The following SLC24A2 variants were observed in gnomAD, a reference collection of about 807,000 sequenced individuals.
SLC24A2 encodes the protein sodium/potassium/calcium exchanger 2.
In SLC24A2, 36 loss-of-function variants were observed where a neutral mutation model predicts 62.0. The observed-to-expected ratio is 0.58, with a 90% CI of 0.44 to 0.77. SLC24A2 has a LOEUF of 0.77. SLC24A2 is among the 30% of genes least tolerant of loss of function. The pLI is 0.00. For missense variants in SLC24A2, 846 were observed against 817.9 expected, an observed-to-expected ratio of 1.03 and a Z score of -0.42; for synonymous variants, 358 against 294.0, an observed-to-expected ratio of 1.22 and a Z score of -2.23.
chr9:20,230,909 C>T, the SLC24A2 span, among the ~76,000 whole-genome samples: 3 of 152,076 alleles, frequency 2.0e-5, no homozygotes, highest in Admixed American at 2.0e-4. Context: ...TTAATTTTTG[C>T]ATAACGTGTA....
intron 2 of SLC24A2, among the ~76,000 whole-genome samples, chr9:19,681,455 T>C (rs571538838): frequency 5.3e-5 from 8 of 152,282 alleles, no homozygotes; most frequent in African/African-American, 1.4e-4. Flanking sequence ...ATTTTGTTTA[T>C]ACTATGGCTC....
chr9:19,513,540 A>G lies in SLC24A2; in HGVS notation c.*2613T>C, dbSNP rs1832811268. 1 of 152,060 alleles carries G rather than the reference A, an allele frequency of 6.6e-6. No homozygotes were observed. The highest frequency in any genetic ancestry group is 2.4e-5 in the African/African-American group (1 of 41,396). 9.4% of individuals were successfully genotyped at this position (152,060 alleles called of 1,614,324 possible). A position where few individuals can be genotyped will look rare whatever the true frequency, so the allele number is the denominator to read the frequency against. ...ATGCAACTTCACATGAAAGACCACA[A>G]CACTTCCTGTGAAGTGGAGCTCCGA... On this transcript the variant is annotated 3_prime_UTR_variant, in exon 11 of 11. Transcript: ENST00000341998.
chr9:19,550,402 G>A, intron 7 of SLC24A2, 134 bp from the exon 8 acceptor site: 1 of 818,596 alleles, frequency 1.2e-6, no homozygotes, highest in Non-Finnish European at 2.0e-6. Flanking sequence ...AGCTTCATAT[G>A]TGTGATTTTG....
intron 8 of SLC24A2, among the ~76,000 whole-genome samples, chr9:19,531,749 A>G (rs545625993): frequency 7.8e-6 from 1 of 127,536 alleles, no homozygotes; most frequent in African/African-American, 3.0e-5. Context: ...CTGGATTAAT[A>G]TGACTGGTAT....
At chr9:19,687,352 C>A (rs896291932) in intron 2 of SLC24A2, among the ~76,000 whole-genome samples, 1 of 152,104 alleles carries the variant, frequency 6.6e-6, no homozygotes, top group Non-Finnish European at 1.5e-5. Flanking sequence ...ATGTTACTCA[C>A]CCCTTGTGTA....
the SLC24A2 span, among the ~76,000 whole-genome samples, chr9:19,941,569 G>GTT: frequency 1.8e-4 from 18 of 101,182 alleles, no homozygotes; most frequent in Middle Eastern, 8.3e-3. Context: ...GTGTGTGTGT[G>GTT]TGTGTGTGTG....
intron 10 of SLC24A2, among the ~76,000 whole-genome samples, chr9:19,517,541 C>G (rs1229642091): frequency 6.6e-6 from 1 of 152,166 alleles, no homozygotes; most frequent in African/African-American, 2.4e-5. Flanking sequence ...TTTGAAATTC[C>G]AGGCCTGGTA....
chr9:20,151,863 A>C, the SLC24A2 span, among the ~76,000 whole-genome samples: 1 of 151,606 alleles, frequency 6.6e-6, no homozygotes, highest in Non-Finnish European at 1.5e-5. Flanking sequence ...CTCACCTCCA[A>C]TAAGTTGTTT....
rs1174693585 is a variant in SLC24A2 at position 19,753,528 on chromosome 9, T to C, written c.930+32409A>G. On this transcript the variant is annotated intron_variant, in intron 2 of 10. Transcript: ENST00000341998. ...ACTAATCTTTATTTTTAAACCACCA[T>C]CTTCCTTTAGTGTTGCATTCATTTC... 2.6e-5 allele frequency among the ~76,000 whole-genome samples: 4 copies of C among 152,314 alleles called. No homozygotes were observed. The South Asian group carries it at 8.3e-4, about 32-fold the overall frequency.
the SLC24A2 span, among the ~76,000 whole-genome samples, chr9:19,859,812 G>C: frequency 6.6e-6 from 1 of 152,136 alleles, no homozygotes; most frequent in Non-Finnish European, 1.5e-5. Flanking sequence ...GCAACTGTAA[G>C]ACATTAAACT....
At chr9:19,523,399 C>T (rs894190411) in intron 9 of SLC24A2, among the ~76,000 whole-genome samples, 2 of 152,060 alleles carry the variant, frequency 1.3e-5, no homozygotes, top group South Asian at 4.2e-4. Flanking sequence ...ATGTGAGATG[C>T]AAATCATACA....
rs1379516208 is a variant in SLC24A2 at position 19,781,253 on chromosome 9, ACG to A, written c.930+4682_930+4683del. 5.9e-5 allele frequency among the ~76,000 whole-genome samples: 9 copies of A among 152,338 alleles called. No homozygotes were observed. In the East Asian group the frequency reaches 1.7e-3, roughly 29 times the overall value. On this transcript the variant is annotated intron_variant, in intron 2 of 10. Transcript: ENST00000341998. The stretch of plus-strand genomic sequence containing the variant: ...CAGTAGCAAGAGAATAGCTTAACAC[ACG>A]ATCCCATTCTTTGCTAAAGTTAAGA...
upstream of SLC24A2, among the ~76,000 whole-genome samples, chr9:19,792,662 G>A (rs954694895): frequency 6.6e-6 from 1 of 151,520 alleles, no homozygotes; most frequent in East Asian, 1.9e-4. Context: ...GAGCCGAGAC[G>A]GCGCCATTGT....
chr9:20,293,106 T>C, the SLC24A2 span, among the ~76,000 whole-genome samples: 2 of 152,246 alleles, frequency 1.3e-5, no homozygotes, highest in African/African-American at 4.8e-5. Flanking sequence ...CTGACTCTTC[T>C]TATAAGGACA....
the SLC24A2 span, chr9:19,928,504 C>T: frequency 6.6e-6 from 1 of 152,188 alleles, no homozygotes; most frequent in Admixed American, 6.5e-5. Flanking sequence ...CTGAGGTTCT[C>T]TTTGTTCTTT....
chr9:20,047,413 T>C, the SLC24A2 span, among the ~76,000 whole-genome samples: 1 of 151,846 alleles, frequency 6.6e-6, no homozygotes, highest in Middle Eastern at 3.4e-3. Flanking sequence ...AGGTTAAATG[T>C]CAGCTATTTT....
intron 2 of SLC24A2, among the ~76,000 whole-genome samples, chr9:19,737,879 T>A (rs889968878): frequency 3.9e-5 from 6 of 152,268 alleles, no homozygotes; most frequent in African/African-American, 1.4e-4. Flanking sequence ...TCCTTCTATA[T>A]GCCAATGAAA....
chr9:20,094,678 G>A, the SLC24A2 span, among the ~76,000 whole-genome samples: 1 of 152,126 alleles, frequency 6.6e-6, no homozygotes. Context: ...CAGGAAAAGT[G>A]TAAAAATTCA....
chr9:19,904,730 T>C, the SLC24A2 span, among the ~76,000 whole-genome samples: 2 of 152,238 alleles, frequency 1.3e-5, no homozygotes, highest in East Asian at 1.9e-4. Context: ...ACCTATTTTA[T>C]AGTCTCTTGG....
Sources: gnomAD v4.1 joint callset for allele counts (sites outside exome capture counted in the v4.1 genomes callset) on GRCh38, gnomAD v4.1.1 for gene constraint, MANE v1.5 for transcripts, NCBI Gene and HGNC (gene_info 2026-07-23, HGNC 2026-07-21) for gene names.